The following MPPED2 variants were observed in gnomAD, a reference collection of about 807,000 sequenced individuals.
MPPED2 encodes the protein metallophosphoesterase MPPED2.
Under a neutral mutation model 33.0 loss-of-function variants are expected in MPPED2, and 5 were observed. The ratio of observed to expected loss-of-function variants is 0.15; its 90% confidence interval spans 0.08 to 0.32. The LOEUF is 0.32. MPPED2 is among the 10% of genes least tolerant of loss of function. The pLI is 1.00. For missense variants in MPPED2, 275 were observed against 372.1 expected (o/e 0.74, Z 2.15); for synonymous variants, 136 against 141.9 (o/e 0.96, Z 0.29).
intron 4 of MPPED2, among the ~76,000 whole-genome samples, chr11:30,483,348 C>T (rs16920776): frequency 0.021 from 3,204 of 152,330 alleles, 112 homozygotes; most frequent in African/African-American, 0.074. Flanking sequence ...TCAGCATAGG[C>T]TAAAATCCTC....
At chr11:30,579,254 TA>T (rs1472564060) in intron 2 of MPPED2, among the ~76,000 whole-genome samples, 2 of 152,024 alleles carry the variant, frequency 1.3e-5, no homozygotes, top group Non-Finnish European at 2.9e-5. Flanking sequence ...AAACAATTCC[TA>T]AAAAAAGAGC....
At chr11:30,432,967 T>A (rs2133854695) in intron 4 of MPPED2, among the ~76,000 whole-genome samples, 1 of 152,322 alleles carries the variant, frequency 6.6e-6, no homozygotes, top group South Asian at 2.1e-4. Context: ...AAGCCTCTAA[T>A]CTTCAGCTTT....
At chr11:30,427,723 GAAGAAA>G (rs1237762886) in intron 4 of MPPED2, among the ~76,000 whole-genome samples, 2 of 152,302 alleles carry the variant, frequency 1.3e-5, no homozygotes, top group Non-Finnish European at 2.9e-5. Flanking sequence ...AAAATGCTTT[GAAGAAA>G]AAGAAACAGA....
intron 2 of MPPED2, among the ~76,000 whole-genome samples, chr11:30,568,968 G>A (rs1467837143): frequency 6.6e-6 from 1 of 152,114 alleles, no homozygotes; most frequent in Non-Finnish European, 1.5e-5. Flanking sequence ...CCACTTACAT[G>A]TTGGAGGAAA....
chr11:30,413,066 A>G (rs1948182083), intron 6 of MPPED2, among the ~76,000 whole-genome samples: 1 of 152,128 alleles, frequency 6.6e-6, no homozygotes, highest in South Asian at 2.1e-4. Flanking sequence ...GCAGGCCGAT[A>G]TCCACTCTCT....
intron 5 of MPPED2, among the ~76,000 whole-genome samples, chr11:30,417,183 A>G (rs555247950): frequency 6.6e-6 from 1 of 152,114 alleles, no homozygotes; most frequent in African/African-American, 2.4e-5. Context: ...GGAGGTCCGA[A>G]TCTTCCTTCC....
chr11:30,480,998 G>C (rs1177258475), intron 4 of MPPED2, among the ~76,000 whole-genome samples: 1 of 152,032 alleles, frequency 6.6e-6, no homozygotes, highest in Non-Finnish European at 1.5e-5. Context: ...TTTAATCTGT[G>C]GCAAGGTCAT....
intron 4 of MPPED2, among the ~76,000 whole-genome samples, chr11:30,458,740 C>T (rs1252116638): frequency 6.6e-6 from 1 of 152,066 alleles, no homozygotes; most frequent in Non-Finnish European, 1.5e-5. Context: ...GGTTCTGATT[C>T]ATGTCTAAGA....
intron 2 of MPPED2, among the ~76,000 whole-genome samples, chr11:30,569,927 G>T (rs1220057923): frequency 6.6e-6 from 1 of 152,074 alleles, no homozygotes; most frequent in Non-Finnish European, 1.5e-5. Flanking sequence ...CCAAGGTCAG[G>T]ACATCGTAAC....
intron 3 of MPPED2, among the ~76,000 whole-genome samples, chr11:30,516,551 T>C (rs1281250020): frequency 6.6e-6 from 1 of 152,176 alleles, no homozygotes; most frequent in Non-Finnish European, 1.5e-5. Context: ...TGCCCATTTT[T>C]CTTGCAATAA....
At chr11:30,391,498 G>T (rs147312021) in intron 6 of MPPED2, among the ~76,000 whole-genome samples, 1 of 152,044 alleles carries the variant, frequency 6.6e-6, no homozygotes, top group South Asian at 2.1e-4. Context: ...GCTTGGGTTC[G>T]CATCCTGGCT....
intron 2 of MPPED2, among the ~76,000 whole-genome samples, chr11:30,566,022 A>T (rs1956426548): frequency 6.6e-6 from 1 of 152,186 alleles, no homozygotes; most frequent in African/African-American, 2.4e-5. Context: ...ACTATTAAAA[A>T]AAAAATGTAG....
rs185691256 is a variant in MPPED2 at position 30,542,708 on chromosome 11, C to T, written c.129-6533G>A. 8.4e-3 allele frequency among the ~76,000 whole-genome samples: 1,271 copies of T among 152,138 alleles called. 16 individuals carry two copies. Among genetic ancestry groups the T allele is most frequent in the African/African-American group, 0.029 (1,201 of 41,492 alleles). ...TTAAGGTATGTCTCCTCTAAAGTGT[C>T]TTGCTTATTAATACTAATGATACAT... is the stretch of plus-strand genomic sequence containing the variant. On this transcript the variant is annotated intron_variant, in intron 2 of 6. Coordinates refer to ENST00000358117, the MANE Select transcript of MPPED2 (RefSeq NM_001584.3).
intron 2 of MPPED2, among the ~76,000 whole-genome samples, chr11:30,559,152 T>A (rs917152821): frequency 1.3e-5 from 2 of 152,160 alleles, no homozygotes; most frequent in Non-Finnish European, 2.9e-5. Flanking sequence ...TGAAAAGTAT[T>A]CCTTAGAGTC....
At chr11:30,459,822 G>T (rs889401605) in intron 4 of MPPED2, among the ~76,000 whole-genome samples, 2 of 152,228 alleles carry the variant, frequency 1.3e-5, no homozygotes, top group Non-Finnish European at 1.5e-5. Flanking sequence ...AACTGAACAT[G>T]TGTATTGTAG....
At chr11:30,560,434 G>A (rs553363272) in intron 2 of MPPED2, among the ~76,000 whole-genome samples, 2 of 151,830 alleles carry the variant, frequency 1.3e-5, no homozygotes, top group South Asian at 2.1e-4. Flanking sequence ...TGTCACAAAC[G>A]ACAGAAAGTG....
intron 2 of MPPED2, among the ~76,000 whole-genome samples, chr11:30,560,497 C>T (rs1212724374): frequency 2.0e-5 from 3 of 151,996 alleles, no homozygotes; most frequent in African/African-American, 4.8e-5. Flanking sequence ...TCCCATTTAC[C>T]CCCTACTGAA....
At chr11:30,422,583 A>G (rs2133798236) in intron 4 of MPPED2, among the ~76,000 whole-genome samples, 1 of 152,276 alleles carries the variant, frequency 6.6e-6, no homozygotes, top group Non-Finnish European at 1.5e-5. Context: ...TTCACTGGAA[A>G]ATACGTGCAC....
At chr11:30,569,045 GACAA>G (rs750776303) in intron 2 of MPPED2, among the ~76,000 whole-genome samples, 7 of 152,032 alleles carry the variant, frequency 4.6e-5, no homozygotes, top group Non-Finnish European at 1.5e-5. Context: ...AACAACAAAT[GACAA>G]ACAATCTGAG....
Sources: gnomAD v4.1 joint callset for allele counts (sites outside exome capture counted in the v4.1 genomes callset) on GRCh38, gnomAD v4.1.1 for gene constraint, MANE v1.5 for transcripts, NCBI Gene and HGNC (gene_info 2026-07-23, HGNC 2026-07-21) for gene names.